OTX2: variants seen among roughly 807,000 people sequenced by gnomAD.
The protein encoded by OTX2 is orthodenticle homeobox 2.
A neutral mutation model predicts 29.0 loss-of-function variants in OTX2; 4 were observed. The observed-to-expected ratio is 0.14, with a 90% confidence interval of 0.07 to 0.32. The LOEUF (loss-of-function observed/expected upper bound fraction) is 0.32, where lower values mean the gene tolerates loss of function less well. OTX2 is among the 10% of genes least tolerant of loss of function. The pLI is 1.00. For synonymous variants in OTX2, 134 were observed against 141.0 expected (o/e 0.95, Z 0.35); for missense variants, 298 against 365.9 (o/e 0.81, Z 1.51).
In OTX2 at chr14:56,801,988, G is replaced by C. The variant is rs150982073; in HGVS notation, c.641C>G (p.Thr214Ser). Reference sequence around the variant, plus strand: ...TCCGGGAAGCTGGTGATGCATAGGGGTCAAATATGATCCACAGTCCATGCC... The same window carrying C: ...TCCGGGAAGCTGGTGATGCATAGGGCTCAAATATGATCCACAGTCCATGCC... The part of the protein sequence containing the change: ...FGGMDCGSYL[T>S]PMHHQLPGPG... The change falls in exon 5 of 5, where the codon ACC (threonine) becomes AGC (serine). Residue 214 changes from threonine (T) to serine (S), a missense_variant. Transcript: ENST00000672264. The surrounding 1 kb of genome is among the most constrained non-coding windows in gnomAD (Gnocchi z 4.2). The C allele has an allele frequency of 1.2e-6, 2 of 1,614,052 alleles. No individual in the cohort carries two copies. The highest frequency in any genetic ancestry group is 8.5e-7 in the Non-Finnish European group (1 of 1,180,042).
intron 4 of OTX2, among the ~76,000 whole-genome samples, chr14:56,803,323 A>G (rs1286211065): frequency 6.6e-6 from 1 of 152,218 alleles, no homozygotes. Context: ...GCTCAAGACC[A>G]CCAACCATTT....
At chr14:56,803,992 A>C (rs1450740262) in intron 4 of OTX2, among the ~76,000 whole-genome samples, 196 bp downstream of exon 4, 2 of 152,134 alleles carry the variant, frequency 1.3e-5, no homozygotes, top group African/African-American at 4.8e-5. Flanking sequence ...GGCCTTGAAG[A>C]CCCTTGCTTA....
Position 56,801,600 on chromosome 14 carries a change from T to A in OTX2, c.*135A>T. The A allele has an allele frequency of 9.7e-7, 1 of 1,027,380 alleles. No homozygotes were observed. Among genetic ancestry groups the A allele is most frequent in the Non-Finnish European group, 1.5e-6 (1 of 665,952 alleles). 63.6% of individuals were successfully genotyped at this position (1,027,380 alleles called of 1,614,324 possible). On this transcript the variant is annotated 3_prime_UTR_variant, in exon 5 of 5. Coordinates refer to ENST00000672264, the MANE Select transcript of OTX2 (RefSeq NM_021728.4). This position sits in a 1 kb window ranked among gnomAD's most constrained non-coding sequence, Gnocchi z 4.2. The stretch of plus-strand genomic sequence containing the variant: ...CTCTAAGGCCCTTCGTTTTTCCTTC[T>A]ATGCCTCTCGGAACTTTGATCAGAT...
At chr14:56,808,086 C>G (rs1419117958) in intron 2 of OTX2, among the ~76,000 whole-genome samples, 1 of 150,708 alleles carries the variant, frequency 6.6e-6, no homozygotes, top group Non-Finnish European at 1.5e-5. Context: ...TCAATTCGTG[C>G]AATCTGTCGC....
chr14:56,802,770 G>A lies in OTX2; in HGVS notation c.274-415C>T, dbSNP rs900697970. On this transcript the variant is annotated intron_variant, in intron 4 of 4. Coordinates refer to ENST00000672264, the MANE Select transcript of OTX2 (RefSeq NM_021728.4). The surrounding 1 kb of genome is among the most constrained non-coding windows in gnomAD (Gnocchi z 4.4). ...ATGAGAAGTGAGAGAAAGCAATTCT[G>A]TTGTTACAGGCTAACAGGAACAGCC... Among the ~76,000 whole-genome samples the A allele has an allele frequency of 6.6e-6, 1 of 152,138 alleles. No individual in the cohort carries two copies. Among genetic ancestry groups the A allele is most frequent in the Non-Finnish European group, 1.5e-5 (1 of 68,028 alleles).
intron 2 of OTX2, among the ~76,000 whole-genome samples, chr14:56,809,329 T>C (rs1892198019): frequency 1.3e-5 from 2 of 152,220 alleles, no homozygotes; most frequent in East Asian, 3.9e-4. Flanking sequence ...CTCGGCCTGG[T>C]GACCAGGGTC....
At chr14:56,807,766 T>C (rs1232802278) in intron 2 of OTX2, among the ~76,000 whole-genome samples, 1 of 152,254 alleles carries the variant, frequency 6.6e-6, no homozygotes, top group African/African-American at 2.4e-5. Flanking sequence ...AATCTAACTT[T>C]CAAAGCTCTT....
chr14:56,805,003 C>T (rs1317888490), intron 3 of OTX2, among the ~76,000 whole-genome samples: 1 of 152,154 alleles, frequency 6.6e-6, no homozygotes, highest in African/African-American at 2.4e-5. Flanking sequence ...CAAGAGGACA[C>T]TTCTGAGGAA....
In OTX2 at chr14:56,802,387, T is replaced by G; in HGVS notation, c.274-32A>C. 6.2e-7 allele frequency: 1 copy of G among 1,612,546 alleles called. No individual in the cohort carries two copies. Among genetic ancestry groups the G allele is most frequent in the Non-Finnish European group, 8.5e-7 (1 of 1,179,348 alleles). On this transcript the variant is annotated intron_variant, in intron 4 of 4. Transcript: ENST00000672264. The surrounding 1 kb of genome is among the most constrained non-coding windows in gnomAD (Gnocchi z 4.4). ...AGGGAAAGAAAATTCTTTAACTCGG[T>G]TTTGATAGTTCCTTAAGGACAAGAA...
rs1213791497 is a variant in OTX2 at position 56,804,398 on chromosome 14, C to T, written c.98-35G>A. 1.3e-6 allele frequency: 2 copies of T among 1,592,104 alleles called. No individual in the cohort carries two copies. Among genetic ancestry groups the T allele is most frequent in the Non-Finnish European group, 8.6e-7 (1 of 1,167,150 alleles). On this transcript the variant is annotated intron_variant, in intron 3 of 4. Transcript: ENST00000672264. This position sits in a 1 kb window ranked among gnomAD's most constrained non-coding sequence, Gnocchi z 4.1. Reference sequence around the variant, plus strand: ...GGGGGAGCAGTTTCTCAGTCATAGGCGTTTCCGCGGGTTCTCCGACGCCCC... The same window carrying T: ...GGGGGAGCAGTTTCTCAGTCATAGGTGTTTCCGCGGGTTCTCCGACGCCCC...
At position 56,808,394 on chromosome 14, in the gene OTX2, G is replaced by A. The variant is rs188658323; in HGVS notation, c.-120+1765C>T. Reference sequence around the variant, plus strand: ...CGAAGAGGAGGAAAGAAAGAAAAAGGAGACGTGTGGGCACCGCGGAAAACG... The same window carrying A: ...CGAAGAGGAGGAAAGAAAGAAAAAGAAGACGTGTGGGCACCGCGGAAAACG... On this transcript the variant is annotated intron_variant, in intron 2 of 4. Coordinates refer to ENST00000672264, the MANE Select transcript of OTX2 (RefSeq NM_021728.4). 3.9e-4 allele frequency among the ~76,000 whole-genome samples: 59 copies of A among 152,278 alleles called. 1 individual carries two copies. Among genetic ancestry groups the A allele is most frequent in the Middle Eastern group, 6.8e-3 (2 of 294 alleles).
Position 56,804,144 on chromosome 14 carries a change from G to T in OTX2, c.273+44C>A. The T allele has an allele frequency of 1.9e-6, 3 of 1,607,364 alleles. No homozygotes were observed. Among genetic ancestry groups the T allele is most frequent in the East Asian group, 4.5e-5 (2 of 44,836 alleles). On this transcript the variant is annotated intron_variant, in intron 4 of 4. Transcript: ENST00000672264. This position sits in a 1 kb window ranked among gnomAD's most constrained non-coding sequence, Gnocchi z 4.1. ...TCTCCACAGTCCCATACTCGGGAAG[G>T]GTGGCATGATCAGGAAGGATGGTTC...
Position 56,802,272 on chromosome 14 carries a change from G to A in OTX2, c.357C>T (p.Ala119=), listed in dbSNP as rs958176763. Residue 119 remains alanine, a synonymous_variant, in exon 5 of 5, where the codon GCC becomes GCT. Transcript: ENST00000672264. This position sits in a 1 kb window ranked among gnomAD's most constrained non-coding sequence, Gnocchi z 4.4. Reference sequence around the variant, plus strand: ...CCCGAGCTGGAGATGTCTTCTTTTTGGCAGGTCTCACTTTGTTTTGACCTC... The same window carrying A: ...CCCGAGCTGGAGATGTCTTCTTTTTAGCAGGTCTCACTTTGTTTTGACCTC... ...QNGGQNKVRP[A]KKKTSPAREV... is the part of the protein sequence containing the mutation. The A allele has an allele frequency of 1.2e-6, 2 of 1,613,960 alleles. No individual in the cohort carries two copies. The highest frequency in any genetic ancestry group is 2.7e-5 in the African/African-American group (2 of 74,888).
At chr14:56,808,286 C>T (rs1892159329) in intron 2 of OTX2, among the ~76,000 whole-genome samples, 1 of 152,214 alleles carries the variant, frequency 6.6e-6, no homozygotes, top group Non-Finnish European at 1.5e-5. Context: ...CTCTGCTTCT[C>T]GTCCGGGCTG....
intron 2 of OTX2, among the ~76,000 whole-genome samples, chr14:56,809,844 CAA>C (rs1031547863): frequency 6.6e-6 from 1 of 152,210 alleles, no homozygotes; most frequent in Non-Finnish European, 1.5e-5. Context: ...GACATAAAAA[CAA>C]AACCACAAAC....
Position 56,800,877 on chromosome 14 carries a change from C to T in OTX2, c.*858G>A, listed in dbSNP as rs549838567. ...TGACCAATGTCTCTTTACTGCTAGG[C>T]TTACCAACAGTAAATTACAGATGAA... On this transcript the variant is annotated 3_prime_UTR_variant, in exon 5 of 5. Coordinates refer to ENST00000672264, the MANE Select transcript of OTX2 (RefSeq NM_021728.4). The T allele has an allele frequency of 2.0e-5, 3 of 152,714 alleles. No homozygotes were observed. Among genetic ancestry groups the T allele is most frequent in the African/African-American group, 7.2e-5 (3 of 41,566 alleles). 9.5% of individuals were successfully genotyped at this position (152,714 alleles called of 1,614,324 possible).
At chr14:56,806,502 T>A (rs1034148310) in intron 2 of OTX2, among the ~76,000 whole-genome samples, 9 of 152,188 alleles carry the variant, frequency 5.9e-5, no homozygotes, top group African/African-American at 2.2e-4. Context: ...GGACCCCACA[T>A]TTGTAGTGCA....
chr14:56,808,182 C>T (rs1341624789), intron 2 of OTX2, among the ~76,000 whole-genome samples: 1 of 152,170 alleles, frequency 6.6e-6, no homozygotes, highest in East Asian at 1.9e-4. Flanking sequence ...ATAATTACCT[C>T]GTCCGAGAAT....
intron 2 of OTX2, among the ~76,000 whole-genome samples, chr14:56,808,205 A>G (rs1892156510): frequency 6.6e-6 from 1 of 151,990 alleles, no homozygotes; most frequent in East Asian, 1.9e-4. Context: ...ATTATAATAA[A>G]TGTTTTCTTG....
Sources: allele counts gnomAD v4.1 joint callset (sites outside exome capture counted in the v4.1 genomes callset), GRCh38; gene constraint gnomAD v4.1.1; non-coding constraint Gnocchi (gnomAD v3.1); transcripts MANE v1.5; gene names NCBI Gene and HGNC (gene_info 2026-07-23, HGNC 2026-07-21).